Variants in TRPM3 observed in about 807,000 individuals in gnomAD.
TRPM3 encodes long transient receptor potential channel 3.
In TRPM3, 77 loss-of-function variants were observed where a neutral mutation model predicts 181.2. The observed-to-expected ratio is 0.42, with a 90% confidence interval of 0.35 to 0.51. The LOEUF (loss-of-function observed/expected upper bound fraction) is 0.51, where lower values mean the gene tolerates loss of function less well. Ranked by LOEUF, TRPM3 falls within the 20% of genes least tolerant of loss-of-function variation. TRPM3 has a pLI of 0.01. For synonymous variants in TRPM3, 745 were observed against 796.4 expected (o/e 0.94, Z 1.09); for missense variants, 1,759 against 2,196.7 (o/e 0.80, Z 3.98).
intron 1 of TRPM3, among the ~76,000 whole-genome samples, chr9:71,071,728 C>T (rs1240820378): frequency 1.3e-5 from 2 of 152,124 alleles, no homozygotes; most frequent in African/African-American, 4.8e-5. Flanking sequence ...GGGTTTGAAT[C>T]CAACTCTGCC....
intron 1 of TRPM3, among the ~76,000 whole-genome samples, chr9:71,345,065 G>A (rs1237317370): frequency 6.6e-6 from 1 of 152,160 alleles, no homozygotes; most frequent in Non-Finnish European, 1.5e-5. Context: ...AGTTTGAATG[G>A]CGATCATTAA....
intron 1 of TRPM3, among the ~76,000 whole-genome samples, chr9:70,959,721 T>C (rs1292435033): frequency 6.6e-6 from 1 of 152,148 alleles, no homozygotes; most frequent in Non-Finnish European, 1.5e-5. Context: ...ACCACAAAAA[T>C]AACTCTTCCG....
chr9:70,999,599 G>C (rs1440102398), intron 1 of TRPM3, among the ~76,000 whole-genome samples: 2 of 152,178 alleles, frequency 1.3e-5, no homozygotes, highest in Admixed American at 6.5e-5. Flanking sequence ...AGAGCACTTG[G>C]CTACCATGCA....
At chr9:70,974,134 G>C (rs12336234) in intron 1 of TRPM3, among the ~76,000 whole-genome samples, 43,868 of 151,972 alleles carry the variant, frequency 0.29, 6,367 homozygotes, top group East Asian at 0.37. Context: ...TCTTTGTATA[G>C]CGTAGTAAAC....
chr9:71,215,047 C>CAAAAAAAAAAAAAAAAAAA (rs72383590), intron 1 of TRPM3, among the ~76,000 whole-genome samples: 10 of 112,592 alleles, frequency 8.9e-5, no homozygotes, highest in African/African-American at 1.8e-4. Flanking sequence ...AAAAAAAAAA[C>CAAAAAAAAAAAAAAAAAAA]AAAAAAAAAA....
chr9:71,333,901 C>T (rs917519809), intron 1 of TRPM3, among the ~76,000 whole-genome samples: 1 of 151,776 alleles, frequency 6.6e-6, no homozygotes, highest in Admixed American at 6.6e-5. Flanking sequence ...AAAACCAATT[C>T]GTTTAATAGC....
At position 70,531,423 on chromosome 9, in the gene TRPM3, T is replaced by C. The variant is rs2040859239; in HGVS notation, c.*4530A>G. 6.6e-6 allele frequency: 1 copy of C among 152,144 alleles called. No individual in the cohort carries two copies. Among genetic ancestry groups the C allele is most frequent in the Admixed American group, 6.5e-5 (1 of 15,272 alleles). 9.4% of individuals were successfully genotyped at this position (152,144 alleles called of 1,614,324 possible). A position where few individuals can be genotyped will look rare whatever the true frequency, so the allele number is the denominator to read the frequency against. ...CTGGCTTAAGCGTCACAGCAGGCAA[T>C]AGTAAAATGTTAAGTGCCTTAGAAA... On this transcript the variant is annotated 3_prime_UTR_variant, in exon 26 of 26. Transcript: ENST00000677713.
At chr9:71,327,143 G>C (rs1042859835) in intron 1 of TRPM3, among the ~76,000 whole-genome samples, 9 of 152,300 alleles carry the variant, frequency 5.9e-5, no homozygotes, top group Admixed American at 4.6e-4. Context: ...ATCTTCCTTG[G>C]ACCACGGCAT....
rs146298521 is a variant in TRPM3 at position 70,651,643 on chromosome 9, T to C, written c.1346-10983A>G. ...TGGCGCTTTGTGAGGACTGCCACTG[T>C]TAATTTCTATCTCCCCTGCTTTCAC... is the stretch of plus-strand genomic sequence containing the variant. On this transcript the variant is annotated intron_variant, in intron 9 of 25. Coordinates refer to ENST00000677713, the MANE Select transcript of TRPM3 (RefSeq NM_001366145.2). Among the ~76,000 whole-genome samples the C allele has an allele frequency of 2.5e-3, 388 of 152,356 alleles. 4 individuals are homozygous for C. The highest frequency in any genetic ancestry group is 4.2e-3 in the Non-Finnish European group (284 of 68,024).
intron 1 of TRPM3, among the ~76,000 whole-genome samples, chr9:71,253,902 C>G (rs1470145698): frequency 6.6e-6 from 1 of 152,136 alleles, no homozygotes. Context: ...TCATTTGTGA[C>G]AACACATATG....
At chr9:71,013,113 A>G (rs614697) in intron 1 of TRPM3, among the ~76,000 whole-genome samples, 34,570 of 152,040 alleles carry the variant, frequency 0.23, 4,677 homozygotes, top group East Asian at 0.33. Flanking sequence ...GGTTATATTA[A>G]GCAAGGATTC....
At chr9:71,376,945 A>C (rs2092681402) in intron 1 of TRPM3, among the ~76,000 whole-genome samples, 1 of 152,124 alleles carries the variant, frequency 6.6e-6, no homozygotes, top group Non-Finnish European at 1.5e-5. Context: ...CTGGAAGAAT[A>C]GACTTTGAAA....
intron 1 of TRPM3, among the ~76,000 whole-genome samples, chr9:71,340,513 G>C (rs952172582): frequency 6.6e-6 from 1 of 152,060 alleles, no homozygotes; most frequent in East Asian, 1.9e-4. Context: ...TTTTAAGAAG[G>C]AGAGTTTCCC....
intron 3 of TRPM3, among the ~76,000 whole-genome samples, chr9:70,853,969 C>T (rs528025010): frequency 6.6e-6 from 1 of 152,226 alleles, no homozygotes; most frequent in South Asian, 2.1e-4. Context: ...AAATGATATT[C>T]CTATGCTCAT....
intron 1 of TRPM3, among the ~76,000 whole-genome samples, chr9:71,425,744 G>A (rs1198312769): frequency 1.3e-5 from 2 of 152,072 alleles, no homozygotes; most frequent in Non-Finnish European, 2.9e-5. Context: ...TTCCCATCAT[G>A]CATAGAATAA....
chr9:70,610,533 C>T, intron 19 of TRPM3, 76 bp downstream of exon 19: 3 of 1,541,300 alleles, frequency 1.9e-6, no homozygotes, highest in South Asian at 2.5e-5. Context: ...GCAGAGAAAA[C>T]CACACAGATG....
At chr9:70,873,973 T>C (rs761553339) in intron 1 of TRPM3, among the ~76,000 whole-genome samples, 3 of 151,954 alleles carry the variant, frequency 2.0e-5, no homozygotes, top group African/African-American at 4.8e-5. Flanking sequence ...TGGGCTGAAG[T>C]TATTTGTACT....
At chr9:71,163,632 G>C (rs1397923146) in intron 1 of TRPM3, among the ~76,000 whole-genome samples, 1 of 152,144 alleles carries the variant, frequency 6.6e-6, no homozygotes, top group Non-Finnish European at 1.5e-5. Context: ...GATATACCTT[G>C]AGAATCATCA....
chr9:70,624,073 C>T (rs889706848), intron 14 of TRPM3, among the ~76,000 whole-genome samples: 1 of 152,130 alleles, frequency 6.6e-6, no homozygotes, highest in Non-Finnish European at 1.5e-5. Flanking sequence ...CTTGTATGTA[C>T]TCCCCCCACC....
Sources: allele counts gnomAD v4.1 joint callset (sites outside exome capture counted in the v4.1 genomes callset), GRCh38; gene constraint gnomAD v4.1.1; transcripts MANE v1.5; gene names NCBI Gene and HGNC (gene_info 2026-07-23, HGNC 2026-07-21).